The following NAV2 variants were observed in gnomAD, a reference collection of about 807,000 sequenced individuals.
The protein encoded by NAV2 is neuron navigator 2, also known as helicase, APC down-regulated 1.
In NAV2, 54 loss-of-function variants were observed where a neutral mutation model predicts 223.2. The observed-to-expected ratio is 0.24, with a 90% CI of 0.19 to 0.30. The LOEUF (loss-of-function observed/expected upper bound fraction) is 0.30. NAV2 is among the 10% of genes least tolerant of loss of function. The pLI, the probability that NAV2 is intolerant of heterozygous loss-of-function variation, is 1.00. For missense variants in NAV2, 2,806 were observed against 3,147.5 expected, an observed-to-expected ratio of 0.89 and a Z score of 2.60; for synonymous variants, 1,279 against 1,239.3, an observed-to-expected ratio of 1.03 and a Z score of -0.67.
intron 9 of NAV2, among the ~76,000 whole-genome samples, chr11:19,946,714 A>G (rs1224493244): frequency 6.6e-6 from 1 of 152,240 alleles, no homozygotes; most frequent in Admixed American, 6.5e-5. Flanking sequence ...TTTTCCCAAA[A>G]GCAGAAGGTT....
chr11:19,710,679 C>G (rs1161580282), upstream of NAV2, among the ~76,000 whole-genome samples: 7 of 152,220 alleles, frequency 4.6e-5, no homozygotes, highest in East Asian at 1.3e-3. Flanking sequence ...TCTCCCTGAT[C>G]TTTAGAAGCT....
intron 11 of NAV2, among the ~76,000 whole-genome samples, chr11:19,990,956 C>T (rs1374506574): frequency 6.6e-6 from 1 of 151,980 alleles, no homozygotes; most frequent in Non-Finnish European, 1.5e-5. Flanking sequence ...GTAAACATGC[C>T]CTAATTCCAG....
At chr11:19,560,156 T>A (rs1234975847) in intron 1 of NAV2, among the ~76,000 whole-genome samples, 1 of 152,166 alleles carries the variant, frequency 6.6e-6, no homozygotes, top group Non-Finnish European at 1.5e-5. Flanking sequence ...TAAAAGAGAC[T>A]ATTTTCTTGA....
At chr11:19,687,547 A>G (rs1399436161) in intron 1 of NAV2, among the ~76,000 whole-genome samples, 2 of 152,288 alleles carry the variant, frequency 1.3e-5, no homozygotes, top group Non-Finnish European at 2.9e-5. Context: ...GTGTGTTTTT[A>G]TCTGAGAATA....
chr11:19,652,769 T>C (rs963497982), intron 1 of NAV2, among the ~76,000 whole-genome samples: 2 of 152,224 alleles, frequency 1.3e-5, no homozygotes, highest in Admixed American at 1.3e-4. Context: ...CTACCAAGCT[T>C]TTTTAGCATA....
intron 1 of NAV2, among the ~76,000 whole-genome samples, chr11:19,454,463 A>C (rs1851892546): frequency 6.6e-6 from 1 of 152,156 alleles, no homozygotes; most frequent in East Asian, 1.9e-4. Context: ...GTTAATGTTA[A>C]TTGACATTTA....
At chr11:19,559,457 T>C (rs1424439472) in intron 1 of NAV2, among the ~76,000 whole-genome samples, 1 of 152,192 alleles carries the variant, frequency 6.6e-6, no homozygotes, top group Non-Finnish European at 1.5e-5. Context: ...ACAGACTAAA[T>C]AAGGAAATGC....
chr11:19,619,238 T>G (rs2046909098), intron 1 of NAV2, among the ~76,000 whole-genome samples: 1 of 137,326 alleles, frequency 7.3e-6, no homozygotes, highest in Non-Finnish European at 1.5e-5. Context: ...TGTGTCTGTA[T>G]AGCAGCATGA....
At chr11:19,719,388 G>A (rs936539504) in intron 1 of NAV2, among the ~76,000 whole-genome samples, 22 of 152,140 alleles carry the variant, frequency 1.4e-4, no homozygotes, top group Admixed American at 1.4e-3. Context: ...TGGTAAATTC[G>A]ACTTTATTGA....
intron 1 of NAV2, among the ~76,000 whole-genome samples, chr11:19,420,657 G>A (rs1047494168): frequency 1.3e-4 from 20 of 152,138 alleles, no homozygotes; most frequent in African/African-American, 4.6e-4. Flanking sequence ...GACTCCATAC[G>A]TACGATTTCA....
intron 11 of NAV2, among the ~76,000 whole-genome samples, chr11:19,999,295 A>C (rs1296557326): frequency 6.6e-6 from 1 of 152,276 alleles, no homozygotes; most frequent in Non-Finnish European, 1.5e-5. Flanking sequence ...CTTCAAAAAA[A>C]TCGGGTTATT....
intron 1 of NAV2, among the ~76,000 whole-genome samples, chr11:19,381,897 A>T (rs553988673): frequency 4.9e-4 from 75 of 152,298 alleles, no homozygotes; most frequent in Non-Finnish European, 8.1e-4. Context: ...TTCTGAGGAC[A>T]AGAGGGGCTG....
At chr11:19,472,426 G>A (rs1158662595) in intron 1 of NAV2, among the ~76,000 whole-genome samples, 1 of 152,068 alleles carries the variant, frequency 6.6e-6, no homozygotes, top group African/African-American at 2.4e-5. Flanking sequence ...CATGTAAAGT[G>A]CCTAGAACGA....
intron 20 of NAV2, among the ~76,000 whole-genome samples, chr11:20,063,463 C>G (rs1449230549): frequency 1.3e-5 from 2 of 152,142 alleles, no homozygotes; most frequent in Non-Finnish European, 2.9e-5. Context: ...ACCTCTGCCT[C>G]CTGGGTTCAA....
intron 2 of NAV2, among the ~76,000 whole-genome samples, chr11:19,836,670 T>C (rs904964671): frequency 6.6e-6 from 1 of 152,186 alleles, no homozygotes; most frequent in South Asian, 2.1e-4. Context: ...TACTACCTTT[T>C]CAGGCACTAG....
intron 1 of NAV2, among the ~76,000 whole-genome samples, chr11:19,397,772 G>A (rs1238255794): frequency 6.6e-6 from 1 of 152,156 alleles, no homozygotes; most frequent in Admixed American, 6.5e-5. Context: ...ATGGCTGGGT[G>A]AGGTACGTCT....
intron 1 of NAV2, among the ~76,000 whole-genome samples, chr11:19,496,170 C>T (rs1310050186): frequency 2.0e-5 from 3 of 152,210 alleles, no homozygotes; most frequent in African/African-American, 4.8e-5. Context: ...AGATATTTTT[C>T]TCTGATTAAA....
rs146435983 is a variant in NAV2, at chr11:19,380,761, C to T, written c.75+29734C>T. Among the ~76,000 whole-genome samples, 374 of 152,356 alleles carry T rather than the reference C, an allele frequency of 2.5e-3. 2 individuals are homozygous for T. Among genetic ancestry groups the T allele is most frequent in the Non-Finnish European group, 3.8e-3 (260 of 68,034 alleles). Reference sequence around the variant, plus strand: ...ATGGTCTTCCACTAACTCCTTGCCACCTTTGCAAAATGCCCAAGCTCTTGA... The same window carrying T: ...ATGGTCTTCCACTAACTCCTTGCCATCTTTGCAAAATGCCCAAGCTCTTGA... On this transcript the variant is annotated intron_variant, in intron 1 of 37. Coordinates refer to the NAV2 transcript ENST00000360655.
intron 8 of NAV2, among the ~76,000 whole-genome samples, chr11:19,945,128 TCTTTCTTTCTTC>T (rs1471249737): frequency 6.7e-6 from 1 of 149,456 alleles, no homozygotes. Context: ...TTTCTTTCTT[TCTTTCTTTCTTC>T]CTTTCTTTCT....
Sources: allele counts gnomAD v4.1 joint callset (sites outside exome capture counted in the v4.1 genomes callset), GRCh38; gene constraint gnomAD v4.1.1; transcripts MANE v1.5; gene names NCBI Gene and HGNC (gene_info 2026-07-23, HGNC 2026-07-21).